The following DLEU7 variants were observed in gnomAD, a reference collection of about 807,000 sequenced individuals.
DLEU7 encodes leukemia-associated protein 7.
In DLEU7, 17 loss-of-function variants were observed where a neutral mutation model predicts 16.0. The ratio of observed to expected loss-of-function variants is 1.06; its 90% CI spans 0.73 to 1.59. The LOEUF is 1.59. Ranked by LOEUF, DLEU7 falls within the 40% of genes most tolerant of loss-of-function variation. DLEU7 has a pLI of 0.00. For synonymous variants in DLEU7, 113 were observed against 139.8 expected, an observed-to-expected ratio of 0.81 and a Z score of 1.35; for missense variants, 308 against 314.9, an observed-to-expected ratio of 0.98 and a Z score of 0.17.
chr13:50,752,072 G>A (rs1273351076), intron 1 of DLEU7, among the ~76,000 whole-genome samples: 1 of 127,456 alleles, frequency 7.8e-6, no homozygotes, highest in Admixed American at 9.0e-5. Context: ...TTTTTTTTGA[G>A]ATGGAGTCTT....
intron 1 of DLEU7, among the ~76,000 whole-genome samples, chr13:50,838,468 T>G (rs1459056494): frequency 2.6e-5 from 4 of 152,240 alleles, no homozygotes; most frequent in Admixed American, 2.6e-4. Flanking sequence ...GGTCCATATG[T>G]GAATTAGTCA....
intron 1 of DLEU7, among the ~76,000 whole-genome samples, chr13:50,811,843 C>T (rs976494841): frequency 4.6e-5 from 7 of 151,932 alleles, no homozygotes; most frequent in African/African-American, 9.7e-5. Flanking sequence ...CCAAGGCAGG[C>T]GGATCACTTG....
At chr13:50,772,152 T>C (rs1358157154) in intron 1 of DLEU7, among the ~76,000 whole-genome samples, 1 of 152,226 alleles carries the variant, frequency 6.6e-6, no homozygotes, top group Non-Finnish European at 1.5e-5. Context: ...TTTGAGCCTA[T>C]GTGTGTCTCT....
chr13:50,829,437 A>G (rs943184270), intron 1 of DLEU7, among the ~76,000 whole-genome samples: 2 of 152,244 alleles, frequency 1.3e-5, no homozygotes, highest in Admixed American at 6.5e-5. Context: ...TGTGCCTATT[A>G]GCCAGTATGC....
chr13:50,725,136 A>G (rs1265669516), intron 1 of DLEU7, among the ~76,000 whole-genome samples: 1 of 152,138 alleles, frequency 6.6e-6, no homozygotes, highest in African/African-American at 2.4e-5. Flanking sequence ...CCCTGGTGCC[A>G]GCAGTGACCT....
chr13:50,713,086 A>G (rs559560968), exon 2 of DLEU7: 149 of 1,059,294 alleles, frequency 1.4e-4, no homozygotes, highest in Non-Finnish European at 2.0e-4. Context: ...TACGAAGGCA[A>G]TGGAGGCCAA....
intron 1 of DLEU7, among the ~76,000 whole-genome samples, chr13:50,797,472 A>T (rs1224718193): frequency 6.6e-6 from 1 of 152,196 alleles, no homozygotes; most frequent in Non-Finnish European, 1.5e-5. Flanking sequence ...TTTTTTCTTT[A>T]CAAGCCCTTA....
intron 1 of DLEU7, among the ~76,000 whole-genome samples, chr13:50,724,461 A>G (rs905597205): frequency 4.6e-5 from 7 of 152,162 alleles, no homozygotes; most frequent in African/African-American, 1.7e-4. Flanking sequence ...GGTTGATGGA[A>G]GCACACAATA....
At chr13:50,765,328 T>C (rs888861719) in intron 1 of DLEU7, among the ~76,000 whole-genome samples, 9 of 152,076 alleles carry the variant, frequency 5.9e-5, no homozygotes, top group Admixed American at 2.6e-4. Flanking sequence ...TAATAAGATG[T>C]TTCTACATGG....
chr13:50,795,364 C>G (rs1876083281), intron 1 of DLEU7, among the ~76,000 whole-genome samples: 1 of 152,112 alleles, frequency 6.6e-6, no homozygotes, highest in Non-Finnish European at 1.5e-5. Context: ...CCAGAGTGGT[C>G]CAGTATCTCA....
chr13:50,768,800 A>C (rs1875200866), intron 1 of DLEU7, among the ~76,000 whole-genome samples: 1 of 152,232 alleles, frequency 6.6e-6, no homozygotes, highest in African/African-American at 2.4e-5. Flanking sequence ...GTATATACCC[A>C]GTAATGGGAT....
intron 1 of DLEU7, among the ~76,000 whole-genome samples, chr13:50,842,982 G>A (rs544086799): frequency 3.3e-5 from 5 of 152,248 alleles, no homozygotes; most frequent in African/African-American, 9.6e-5. Context: ...AGCCAGGCGG[G>A]CCTCAGGTGG....
In DLEU7 at chr13:50,822,934, T is replaced by C; in HGVS notation, c.*380A>G. 2 of 974,750 alleles carry C rather than the reference T, an allele frequency of 2.1e-6. No homozygotes were observed. Among genetic ancestry groups the C allele is most frequent in the South Asian group, 9.2e-5 (2 of 21,846 alleles). 60.4% of individuals were successfully genotyped at this position (974,750 alleles called of 1,614,324 possible). A position where few individuals can be genotyped will look rare whatever the true frequency, so the allele number is the denominator to read the frequency against. ...TTTAAGAACCATGGAACTTTAATTA[T>C]ATAAATAACCACATTAAACCCTTTA... On this transcript the variant is annotated 3_prime_UTR_variant, in exon 2 of 2. Transcript: ENST00000504404.
intron 1 of DLEU7, among the ~76,000 whole-genome samples, chr13:50,713,487 A>G (rs1305969829): frequency 1.3e-5 from 2 of 152,210 alleles, no homozygotes; most frequent in African/African-American, 4.8e-5. Context: ...AGCTATCTTT[A>G]TACTTTATAT....
intron 1 of DLEU7, among the ~76,000 whole-genome samples, chr13:50,748,162 A>C (rs1874455175): frequency 6.6e-6 from 1 of 151,838 alleles, no homozygotes; most frequent in African/African-American, 2.4e-5. Flanking sequence ...GAGAACGCTC[A>C]TATGAATAAT....
intron 1 of DLEU7, among the ~76,000 whole-genome samples, chr13:50,824,424 C>A (rs1877017587): frequency 6.6e-6 from 1 of 152,316 alleles, no homozygotes; most frequent in East Asian, 1.9e-4. Context: ...CTAAGGAATT[C>A]TCTTTGCTAC....
At chr13:50,785,490 A>G (rs1430717143) in intron 1 of DLEU7, among the ~76,000 whole-genome samples, 2 of 152,176 alleles carry the variant, frequency 1.3e-5, no homozygotes, top group Non-Finnish European at 2.9e-5. Context: ...TGAAAATTGG[A>G]ATCTGAAAAT....
intron 1 of DLEU7, among the ~76,000 whole-genome samples, chr13:50,752,052 C>CTTTTTTTTTTTTTTTTTTTTTTTTTTTTT (rs200928092): frequency 1.5e-5 from 2 of 135,756 alleles, no homozygotes; most frequent in African/African-American, 5.5e-5. Flanking sequence ...CTCTTTCAGT[C>CTTTTTTTTTTTTTTTTTTTTTTTTTTTTT]TTTTTTTTTT....
intron 1 of DLEU7, among the ~76,000 whole-genome samples, chr13:50,753,585 C>G (rs34075546): frequency 0.47 from 71,564 of 151,542 alleles, 17,879 homozygotes; most frequent in African/African-American, 0.63. Context: ...GCCAGCAGGG[C>G]AGGCCAGCTG....
Sources: gnomAD v4.1 joint callset for allele counts (sites outside exome capture counted in the v4.1 genomes callset) on GRCh38, gnomAD v4.1.1 for gene constraint, MANE v1.5 for transcripts, NCBI Gene and HGNC (gene_info 2026-07-23, HGNC 2026-07-21) for gene names.